The following PHF14 variants were observed in gnomAD, a reference collection of about 807,000 sequenced individuals.
The protein encoded by PHF14 is PHD finger protein 14.
In PHF14, 55 loss-of-function variants were observed where a neutral mutation model predicts 117.9. That is an observed-to-expected ratio of 0.47 (90% CI 0.38 to 0.58). PHF14 has a LOEUF of 0.58. Among genes scored for constraint, PHF14 ranks in the 20% least tolerant of loss-of-function variants. The pLI is 0.00. For synonymous variants in PHF14, 409 were observed against 368.6 expected (o/e 1.11, Z -1.26); for missense variants, 978 against 1,122.2 (o/e 0.87, Z 1.84).
intron 4 of PHF14, among the ~76,000 whole-genome samples, chr7:10,994,346 G>A (rs1286355471): frequency 6.6e-6 from 1 of 151,868 alleles, no homozygotes; most frequent in Non-Finnish European, 1.5e-5. Context: ...GTCTGAGGCA[G>A]GAGAATGGCT....
At chr7:11,048,767 C>G (rs919925594) in intron 13 of PHF14, among the ~76,000 whole-genome samples, 7 of 152,184 alleles carry the variant, frequency 4.6e-5, no homozygotes, top group African/African-American at 1.4e-4. Context: ...GTATTATGTC[C>G]ATAATACTCT....
chr7:11,048,245 T>G (rs940049136), intron 13 of PHF14, among the ~76,000 whole-genome samples: 2 of 152,174 alleles, frequency 1.3e-5, no homozygotes, highest in African/African-American at 2.4e-5. Flanking sequence ...TGTATTTGAC[T>G]TTAGGAAAGA....
rs961689264 is a variant in PHF14 at position 11,063,680 on chromosome 7, T to C, written c.2654+1595T>C. 3.2e-6 allele frequency: 3 copies of C among 938,582 alleles called. No individual in the cohort carries two copies. The African/African-American group carries it at 5.3e-5, about 17-fold the overall frequency. The allele number at this position is 938,582 out of a possible 1,614,324, so 58.1% of individuals were successfully genotyped here. On this transcript the variant is annotated intron_variant, in intron 16 of 17. Coordinates refer to ENST00000634607, the MANE Select transcript of PHF14 (RefSeq NM_001007157.2). ...TATTAGGTTTTTTGTTTTGCTTTTG[T>C]CATATATTGGAAATTAGGAACCTGA...
At chr7:10,983,489 A>G (rs74641166) in intron 3 of PHF14, among the ~76,000 whole-genome samples, 2,184 of 152,238 alleles carry the variant, frequency 0.014, 52 homozygotes, top group East Asian at 0.11. Flanking sequence ...GGACTGCTGA[A>G]TGGTGCTGAG....
Position 11,062,086 on chromosome 7 carries a change from G to T in PHF14, c.2654+1G>T. The T allele has an allele frequency of 6.2e-7, 1 of 1,604,292 alleles. No homozygotes were observed. Among genetic ancestry groups the T allele is most frequent in the Non-Finnish European group, 8.5e-7 (1 of 1,175,378 alleles). ...CTGGAGACAATGAAAATCTTGTCAG[G>T]TAAGTTGGATGCTAAAACCTTGTCT... On this transcript the variant is annotated splice_donor_variant, in intron 16 of 17. Transcript: ENST00000634607. LOFTEE classifies it high-confidence loss of function.
chr7:10,990,699 T>C lies in PHF14; in HGVS notation c.901-4T>C, dbSNP rs1782419695. The C allele has an allele frequency of 4.0e-6, 6 of 1,499,176 alleles. No individual in the cohort carries two copies. Among genetic ancestry groups the C allele is most frequent in the Non-Finnish European group, 3.6e-6 (4 of 1,106,090 alleles). The allele number at this position is 1,499,176 out of a possible 1,614,324, so 92.9% of individuals were successfully genotyped here. On this transcript the variant is annotated splice_polypyrimidine_tract_variant and splice_region_variant and intron_variant, in intron 3 of 17. Transcript: ENST00000634607. ...TCTGATATATGTTAATATTTTAATATTAGGACTCGCTGATTCTTGAGAAGA... is the reference window on the plus strand; with the variant it reads ...TCTGATATATGTTAATATTTTAATACTAGGACTCGCTGATTCTTGAGAAGA...
intron 16 of PHF14, among the ~76,000 whole-genome samples, chr7:11,083,184 ACT>A (rs1234796007): frequency 6.6e-6 from 1 of 151,906 alleles, no homozygotes; most frequent in Non-Finnish European, 1.5e-5. Context: ...AAAAACTTTA[ACT>A]CTCCTTTTGG....
intron 17 of PHF14, among the ~76,000 whole-genome samples, chr7:11,116,944 T>C (rs1325732580): frequency 6.6e-6 from 1 of 151,940 alleles, no homozygotes; most frequent in Non-Finnish European, 1.5e-5. Context: ...TAAAGTAGAC[T>C]TAGTATTGTA....
Position 11,138,467 on chromosome 7 carries a change from A to G in PHF14, c.2772+27000A>G, listed in dbSNP as rs927693537. Among the ~76,000 whole-genome samples the G allele has an allele frequency of 3.9e-5, 6 of 152,226 alleles. No homozygotes were observed. The South Asian group carries it at 1.2e-3, about 31-fold the overall frequency. On this transcript the variant is annotated intron_variant, in intron 17 of 17. Transcript: ENST00000634607. ...TATTACATAGTAAACATTAAAAATT[A>G]TTTTTAAGCAAAGCCAGTTTTGTGC...
At position 11,104,890 on chromosome 7, in the gene PHF14, C is replaced by T. The variant is rs1021630050; in HGVS notation, c.2655-6460C>T. On this transcript the variant is annotated intron_variant, in intron 16 of 17. Coordinates refer to ENST00000634607, the MANE Select transcript of PHF14 (RefSeq NM_001007157.2). ...ATAGGTAGTATTTTTTTTAAAACAT[C>T]GTTGTGTTGTGCTTAACATTGATTG... is the stretch of plus-strand genomic sequence containing the variant. 12 of 975,760 alleles carry T rather than the reference C, an allele frequency of 1.2e-5. No homozygotes were observed. In the Admixed American group the frequency reaches 2.5e-4, roughly 20 times the overall value. The allele number at this position is 975,760 out of a possible 1,614,324, so 60.4% of individuals were successfully genotyped here.
chr7:11,165,226 C>A (rs1470442390), intron 17 of PHF14, among the ~76,000 whole-genome samples: 1 of 152,188 alleles, frequency 6.6e-6, no homozygotes. Flanking sequence ...GCCGGCCGAC[C>A]TTGACATTTT....
chr7:11,028,471 G>A (rs1784003271), intron 6 of PHF14, among the ~76,000 whole-genome samples: 2 of 152,084 alleles, frequency 1.3e-5, no homozygotes, highest in Non-Finnish European at 2.9e-5. Context: ...CATTAAATTA[G>A]TTGAATTTTG....
intron 3 of PHF14, among the ~76,000 whole-genome samples, chr7:10,987,108 TGGG>T (rs1472491241): frequency 8.5e-4 from 129 of 152,332 alleles, no homozygotes; most frequent in Middle Eastern, 3.4e-3. Flanking sequence ...CACTTCTATT[TGGG>T]ACTTCTAACT....
rs548698166 is a variant in PHF14, at chr7:11,043,408, A to G, written c.2312+594A>G. On this transcript the variant is annotated intron_variant, in intron 13 of 17. Transcript: ENST00000634607. ...GAAAGGGACAGATGTTCAGATTTTA[A>G]TAGAATGATTTCTCATAGGAAGGAG... Among the ~76,000 whole-genome samples the G allele has an allele frequency of 1.1e-4, 17 of 152,214 alleles. 1 individual carries two copies. In the South Asian group the frequency reaches 3.3e-3, roughly 30 times the overall value.
At position 11,051,675 on chromosome 7, in the gene PHF14, C is replaced by T. The variant is rs1470775026; in HGVS notation, c.2376C>T (p.Thr792=). ...SDMEADMAME[T]LPDGTKRSRR... ...TGGAAGCAGATATGGCCATGGAAAC[C>T]CTACCAGATGGAACCAAACGATCAA... Residue 792 remains threonine, a synonymous_variant, in exon 14 of 18, where the codon ACC becomes ACT. Coordinates refer to ENST00000634607, the MANE Select transcript of PHF14 (RefSeq NM_001007157.2). 9 of 1,613,376 alleles carry T rather than the reference C, an allele frequency of 5.6e-6. No homozygotes were observed. Among genetic ancestry groups the T allele is most frequent in the African/African-American group, 5.3e-5 (4 of 74,864 alleles).
intron 16 of PHF14, among the ~76,000 whole-genome samples, chr7:11,093,448 CTCAG>C (rs1296666566): frequency 2.6e-5 from 4 of 152,162 alleles, no homozygotes; most frequent in Non-Finnish European, 4.4e-5. Flanking sequence ...CTCTGCTTAC[CTCAG>C]TGTACCACAA....
At chr7:11,101,688 C>CT (rs1034665533) in intron 16 of PHF14, among the ~76,000 whole-genome samples, 1 of 151,792 alleles carries the variant, frequency 6.6e-6, no homozygotes, top group Non-Finnish European at 1.5e-5. Context: ...CCACTTTTCA[C>CT]TTTCTTTTTC....
rs1192186048 is a variant in PHF14 at position 10,974,330 on chromosome 7, T to C, written c.1+6T>C. 1.3e-6 allele frequency: 2 copies of C among 1,590,448 alleles called. No homozygotes were observed. The highest frequency in any genetic ancestry group is 1.7e-6 in the Non-Finnish European group (2 of 1,167,760). Reference sequence around the variant, plus strand: ...ACCACCTCACGGATTCCTTAGTAAGTGTATCCGAGGCCTCTGCGGCGAGAG... The same window carrying C: ...ACCACCTCACGGATTCCTTAGTAAGCGTATCCGAGGCCTCTGCGGCGAGAG... On this transcript the variant is annotated splice_donor_region_variant and intron_variant, in intron 1 of 17. Transcript: ENST00000634607.
chr7:11,024,880 G>A lies in PHF14; in HGVS notation c.1317+1901G>A, dbSNP rs927855858. Among the ~76,000 whole-genome samples the A allele has an allele frequency of 2.0e-5, 3 of 152,192 alleles. No individual in the cohort carries two copies. The South Asian group carries it at 6.2e-4, about 31-fold the overall frequency. On this transcript the variant is annotated intron_variant, in intron 6 of 17. Coordinates refer to ENST00000634607, the MANE Select transcript of PHF14 (RefSeq NM_001007157.2). ...ATCAAGGAGTCATTTTGACTTTAAA[G>A]TCTGATTATTTAAGAAATACATTTC...
Sources: allele counts gnomAD v4.1 joint callset (sites outside exome capture counted in the v4.1 genomes callset), GRCh38; gene constraint gnomAD v4.1.1; transcripts MANE v1.5; gene names NCBI Gene and HGNC (gene_info 2026-07-23, HGNC 2026-07-21).